PSD3: variants seen among roughly 807,000 people sequenced by gnomAD.
PSD3 encodes pleckstrin and Sec7 domain containing 3.
A neutral mutation model predicts 105.5 loss-of-function variants in PSD3; 49 were observed. The ratio of observed to expected loss-of-function variants is 0.46; its 90% CI spans 0.37 to 0.59. The LOEUF (loss-of-function observed/expected upper bound fraction) is 0.59, where lower values mean the gene tolerates loss of function less well. Ranked by LOEUF, PSD3 falls within the 20% of genes least tolerant of loss-of-function variation. The pLI is 0.00. For missense variants in PSD3, 1,561 were observed against 1,263.8 expected (o/e 1.24, Z -3.57); for synonymous variants, 557 against 457.8 (o/e 1.22, Z -2.77).
chr8:18,799,973 A>G (rs533301363), intron 7 of PSD3, among the ~76,000 whole-genome samples: 1 of 152,306 alleles, frequency 6.6e-6, no homozygotes, highest in African/African-American at 2.4e-5. Context: ...GGTATTTTCA[A>G]AAGTAAGTTC....
At chr8:18,997,962 A>T (rs1389408628) in intron 1 of PSD3, among the ~76,000 whole-genome samples, 1 of 151,914 alleles carries the variant, frequency 6.6e-6, no homozygotes, top group Non-Finnish European at 1.5e-5. Flanking sequence ...TGTCTGTCTT[A>T]CCTTGTAAGA....
chr8:18,591,490 G>C (rs990506947), intron 12 of PSD3, among the ~76,000 whole-genome samples: 1 of 152,180 alleles, frequency 6.6e-6, no homozygotes, highest in Admixed American at 6.5e-5. Context: ...GCTGAAGAAA[G>C]GTAGAGTGTG....
At chr8:18,833,013 T>C (rs1052218062) in intron 4 of PSD3, among the ~76,000 whole-genome samples, 2 of 152,182 alleles carry the variant, frequency 1.3e-5, no homozygotes, top group African/African-American at 4.8e-5. Flanking sequence ...TTTGAGGTTA[T>C]AATTGAGCAG....
intron 10 of PSD3, among the ~76,000 whole-genome samples, chr8:18,650,318 T>A (rs1429463235): frequency 6.6e-6 from 1 of 151,504 alleles, no homozygotes; most frequent in African/African-American, 2.5e-5. Flanking sequence ...ACTCACTTTG[T>A]TTATCACTTA....
At chr8:19,056,137 G>A (rs77893236) in intron 1 of PSD3, among the ~76,000 whole-genome samples, 14,023 of 152,162 alleles carry the variant, frequency 0.092, 676 homozygotes, top group Non-Finnish European at 0.099. Context: ...TAACGTCTTC[G>A]TGGGATAACT....
At chr8:19,036,970 G>T (rs564323588) in intron 1 of PSD3, among the ~76,000 whole-genome samples, 1 of 152,218 alleles carries the variant, frequency 6.6e-6, no homozygotes, top group African/African-American at 2.4e-5. Flanking sequence ...CCTTTCAGCC[G>T]TGTCTTATTG....
At chr8:18,735,250 G>A (rs1234252526) in intron 9 of PSD3, among the ~76,000 whole-genome samples, 2 of 152,134 alleles carry the variant, frequency 1.3e-5, no homozygotes, top group South Asian at 2.1e-4. Flanking sequence ...GGGCAGAAGA[G>A]CATGTTGAGA....
At chr8:18,616,787 C>A (rs1200444011) in intron 11 of PSD3, among the ~76,000 whole-genome samples, 1 of 151,424 alleles carries the variant, frequency 6.6e-6, no homozygotes, top group African/African-American at 2.4e-5. Context: ...CCACGCCCGG[C>A]TCATTTTTTG....
chr8:18,866,776 T>C (rs975614209), intron 4 of PSD3, among the ~76,000 whole-genome samples: 43 of 149,234 alleles, frequency 2.9e-4, no homozygotes, highest in African/African-American at 1.0e-3. Context: ...ATATTAATAC[T>C]GGCTTTTTTT....
chr8:19,027,681 T>C (rs930682242), intron 1 of PSD3, among the ~76,000 whole-genome samples: 9 of 152,342 alleles, frequency 5.9e-5, no homozygotes, highest in African/African-American at 2.2e-4. Context: ...TAATTCTGTA[T>C]TAATAGATTC....
intron 9 of PSD3, among the ~76,000 whole-genome samples, chr8:18,728,756 C>A (rs1045512156): frequency 1.3e-5 from 2 of 151,906 alleles, no homozygotes; most frequent in Non-Finnish European, 2.9e-5. Context: ...AAAATGTATA[C>A]AGATTTCAAA....
chr8:19,081,952 C>T (rs1829658483), intron 1 of PSD3, among the ~76,000 whole-genome samples: 2 of 152,166 alleles, frequency 1.3e-5, no homozygotes, highest in African/African-American at 4.8e-5. Flanking sequence ...CGACTGAAAG[C>T]TTCCATTATG....
At chr8:18,594,288 A>G (rs182345513) in intron 12 of PSD3, among the ~76,000 whole-genome samples, 525 of 13,544 alleles carry the variant, frequency 0.039, 150 homozygotes, top group Non-Finnish European at 0.07. Flanking sequence ...TATATAATAT[A>G]TATTATATAT....
chr8:19,068,472 G>C lies in PSD3; in HGVS notation c.324+15734C>G, dbSNP rs912339290. ...GTCTGGATAATTTTGTTTGTTTTTT[G>C]TAGAGACAAGGTTTCACTATGTTGT... On this transcript the variant is annotated intron_variant, in intron 1 of 1. Transcript: ENST00000521475. 9.9e-5 allele frequency among the ~76,000 whole-genome samples: 15 copies of C among 152,122 alleles called. No homozygotes were observed. In the East Asian group the frequency reaches 2.9e-3, roughly 30 times the overall value.
intron 6 of PSD3, among the ~76,000 whole-genome samples, chr8:18,801,877 T>C (rs1810728506): frequency 6.6e-6 from 1 of 151,564 alleles, no homozygotes; most frequent in African/African-American, 2.4e-5. Flanking sequence ...GATAACAGAG[T>C]GGTCAGTACA....
intron 10 of PSD3, among the ~76,000 whole-genome samples, chr8:18,633,509 T>C (rs1807044758): frequency 6.6e-6 from 1 of 152,074 alleles, no homozygotes; most frequent in Admixed American, 6.6e-5. Context: ...AAATGTGTAG[T>C]ATTTGGTTTT....
chr8:19,014,353 G>T (rs115432345), upstream of PSD3: 13,766 of 152,270 alleles, frequency 0.09, 680 homozygotes, highest in African/African-American at 0.11. This position sits in a 1 kb window ranked among gnomAD's most constrained non-coding sequence, Gnocchi z 4.9. Context: ...CCCCCCAGGC[G>T]CCCCGCAGCC....
At chr8:18,762,913 T>A in intron 9 of PSD3, 1 of 1,269,644 alleles carries the variant, frequency 7.9e-7, no homozygotes, top group South Asian at 1.3e-5. Context: ...TATTTCAACA[T>A]GGAATAACTG....
At chr8:18,783,436 C>G (rs552866496) in intron 8 of PSD3, among the ~76,000 whole-genome samples, 3 of 149,846 alleles carry the variant, frequency 2.0e-5, no homozygotes, top group African/African-American at 7.6e-5. Flanking sequence ...TTCTCTATTA[C>G]TCTTCTATTC....
Sources: allele counts gnomAD v4.1 joint callset (sites outside exome capture counted in the v4.1 genomes callset), GRCh38; gene constraint gnomAD v4.1.1; non-coding constraint Gnocchi (gnomAD v3.1); transcripts MANE v1.5; gene names NCBI Gene and HGNC (gene_info 2026-07-23, HGNC 2026-07-21).